BMAL1: variants seen among roughly 807,000 people sequenced by gnomAD.
BMAL1 encodes the protein basic helix-loop-helix ARNT like 1.
chr11:13,287,152 G>A, the BMAL1 span, among the ~76,000 whole-genome samples: 1 of 152,140 alleles, frequency 6.6e-6, no homozygotes, highest in Admixed American at 6.5e-5. Context: ...CATTTGAGAG[G>A]TTTGATATTT....
the BMAL1 span, chr11:13,354,694 A>G: frequency 1.7e-5 from 8 of 471,154 alleles, no homozygotes; most frequent in African/African-American, 1.6e-4. Flanking sequence ...ACACCCAGAG[A>G]AAAAGAACAG....
chr11:13,319,529 A>T, the BMAL1 span, among the ~76,000 whole-genome samples: 1 of 152,208 alleles, frequency 6.6e-6, no homozygotes, highest in Non-Finnish European at 1.5e-5. Flanking sequence ...TAAATCTTAA[A>T]AGCCTCACAA....
At chr11:13,360,476 A>G in the BMAL1 span, 4 of 1,528,380 alleles carry the variant, frequency 2.6e-6, no homozygotes, top group Non-Finnish European at 3.6e-6. Flanking sequence ...TAAATTTTCA[A>G]GTAAGTACCA....
chr11:13,322,648 G>A, the BMAL1 span, among the ~76,000 whole-genome samples: 7 of 152,166 alleles, frequency 4.6e-5, no homozygotes, highest in African/African-American at 1.4e-4. Context: ...GAGGAAAGGT[G>A]TAAATACATA....
At chr11:13,375,235 AATGAG>A in the BMAL1 span, among the ~76,000 whole-genome samples, 5 of 152,230 alleles carry the variant, frequency 3.3e-5, no homozygotes, top group Admixed American at 2.0e-4. Context: ...TGTTCTTAGA[AATGAG>A]ATAAGTTCTA....
At chr11:13,323,005 C>T in the BMAL1 span, among the ~76,000 whole-genome samples, 2 of 151,200 alleles carry the variant, frequency 1.3e-5, no homozygotes, top group Admixed American at 1.3e-4. Context: ...CCATGTTGCC[C>T]AGGCTGATCT....
chr11:13,289,442 T>A, the BMAL1 span, among the ~76,000 whole-genome samples: 1 of 152,196 alleles, frequency 6.6e-6, no homozygotes, highest in Non-Finnish European at 1.5e-5. Flanking sequence ...CACAGGTTTG[T>A]TACATAGGTA....
the BMAL1 span, among the ~76,000 whole-genome samples, chr11:13,295,359 G>A: frequency 6.6e-6 from 1 of 152,166 alleles, no homozygotes; most frequent in Non-Finnish European, 1.5e-5. Context: ...CGATTAGCAG[G>A]GGAATCAATG....
At chr11:13,328,943 G>A in the BMAL1 span, among the ~76,000 whole-genome samples, 305 of 152,234 alleles carry the variant, frequency 2.0e-3, 2 homozygotes, top group African/African-American at 6.6e-3. Flanking sequence ...TACTGCTGTA[G>A]GGATTGAAGG....
chr11:13,300,490 G>A, the BMAL1 span, among the ~76,000 whole-genome samples: 1 of 152,218 alleles, frequency 6.6e-6, no homozygotes, highest in African/African-American at 2.4e-5. Context: ...GAAATTAGTT[G>A]TAAGTGAAAG....
the BMAL1 span, among the ~76,000 whole-genome samples, chr11:13,316,025 A>G: frequency 6.6e-6 from 1 of 151,820 alleles, no homozygotes; most frequent in South Asian, 2.1e-4. Flanking sequence ...CCTTCTGCCC[A>G]CTCCCTTTGC....
chr11:13,368,422 C>T, the BMAL1 span, among the ~76,000 whole-genome samples: 1 of 152,254 alleles, frequency 6.6e-6, no homozygotes, highest in Admixed American at 6.5e-5. Flanking sequence ...TGCTATTGGA[C>T]AAAACGTGCA....
chr11:13,354,189 C>CT, the BMAL1 span: 2 of 870,410 alleles, frequency 2.3e-6, no homozygotes, highest in Admixed American at 2.4e-5. Flanking sequence ...AGCCCCGGGT[C>CT]TCCCCCCCCG....
At chr11:13,304,564 G>A in the BMAL1 span, among the ~76,000 whole-genome samples, 1 of 152,160 alleles carries the variant, frequency 6.6e-6, no homozygotes, top group Non-Finnish European at 1.5e-5. Context: ...TCCCATTCAT[G>A]ACTAGGCTTT....
At chr11:13,341,510 C>T in the BMAL1 span, among the ~76,000 whole-genome samples, 11 of 152,360 alleles carry the variant, frequency 7.2e-5, no homozygotes, top group African/African-American at 2.6e-4. Flanking sequence ...TGTTGGCATC[C>T]CCTAAGCCCT....
chr11:13,330,075 C>A, the BMAL1 span, among the ~76,000 whole-genome samples: 1 of 152,216 alleles, frequency 6.6e-6, no homozygotes, highest in African/African-American at 2.4e-5. Flanking sequence ...CTTTCACTTA[C>A]CTCTGAATTG....
the BMAL1 span, chr11:13,376,799 A>C: frequency 7.1e-7 from 1 of 1,418,074 alleles, no homozygotes; most frequent in Non-Finnish European, 9.7e-7. Context: ...TCCTCCCCTA[A>C]AGTATTCAGG....
At chr11:13,303,588 T>A in the BMAL1 span, among the ~76,000 whole-genome samples, 3 of 152,226 alleles carry the variant, frequency 2.0e-5, no homozygotes, top group Non-Finnish European at 4.4e-5. Context: ...AAGTGGCTGC[T>A]CCTGGTTAGC....
chr11:13,325,483 T>G, the BMAL1 span, among the ~76,000 whole-genome samples: 1 of 152,142 alleles, frequency 6.6e-6, no homozygotes, highest in African/African-American at 2.4e-5. Flanking sequence ...ATACCTAGAC[T>G]GTGCTCAAGT....
Sources: gnomAD v4.1 joint callset for allele counts (sites outside exome capture counted in the v4.1 genomes callset) on GRCh38, gnomAD v4.1.1 for gene constraint, MANE v1.5 for transcripts, NCBI Gene and HGNC (gene_info 2026-07-23, HGNC 2026-07-21) for gene names.